DNAH9: variants seen among roughly 807,000 people sequenced by gnomAD.
The protein encoded by DNAH9 is DNAH9 variant protein.
DNAH9 carries 345 observed loss-of-function variants against 471.6 expected under a neutral mutation model. The observed-to-expected ratio is 0.73, with a 90% CI of 0.67 to 0.80. DNAH9 has a LOEUF of 0.80. DNAH9 is among the 30% of genes least tolerant of loss of function. The pLI is 0.00. For synonymous variants in DNAH9, 2,093 were observed against 2,123.6 expected, an observed-to-expected ratio of 0.99 and a Z score of 0.40; for missense variants, 5,407 against 5,609.2, an observed-to-expected ratio of 0.96 and a Z score of 1.15.
chr17:11,955,157 C>T (rs982456851), intron 67 of DNAH9, among the ~76,000 whole-genome samples: 3 of 152,164 alleles, frequency 2.0e-5, no homozygotes, highest in Non-Finnish European at 2.9e-5. Context: ...TGTCAGCCAA[C>T]AGGCCAAATC....
At chr17:11,787,912 G>T (rs1231983040) in intron 41 of DNAH9, among the ~76,000 whole-genome samples, 1 of 152,140 alleles carries the variant, frequency 6.6e-6, no homozygotes, top group African/African-American at 2.4e-5. Context: ...GGCCTCCCCA[G>T]TCATGTGGAA....
intron 19 of DNAH9, among the ~76,000 whole-genome samples, chr17:11,685,972 T>G (rs553470937): frequency 6.6e-6 from 1 of 151,972 alleles, no homozygotes; most frequent in Admixed American, 6.6e-5. Flanking sequence ...GCCTGGCTAA[T>G]TTTTTGTATT....
intron 48 of DNAH9, among the ~76,000 whole-genome samples, chr17:11,826,826 T>C (rs1302343719): frequency 7.0e-6 from 1 of 142,326 alleles, no homozygotes; most frequent in African/African-American, 2.6e-5. Context: ...CTTTCTTTTT[T>C]TTTTTTTTTT....
intron 61 of DNAH9, among the ~76,000 whole-genome samples, chr17:11,907,343 G>A (rs894987437): frequency 7.9e-5 from 12 of 152,010 alleles, no homozygotes; most frequent in Non-Finnish European, 4.4e-5. Context: ...GGTGGTGCAT[G>A]CCTGTAATCC....
chr17:11,881,441 GC>G (rs1227105214), intron 55 of DNAH9, 28 bp downstream of exon 55: 1 of 1,597,676 alleles, frequency 6.3e-7, no homozygotes, highest in South Asian at 1.1e-5. Context: ...AAAATGTTCT[GC>G]CACTAGAGCC....
chr17:11,750,618 C>G (rs892008891), intron 32 of DNAH9, among the ~76,000 whole-genome samples: 2 of 151,980 alleles, frequency 1.3e-5, no homozygotes, highest in South Asian at 4.1e-4. Flanking sequence ...AAACAAATAG[C>G]AAGAAAGTCA....
chr17:11,853,174 A>G (rs761219248), intron 49 of DNAH9: 8 of 152,138 alleles, frequency 5.3e-5, no homozygotes, highest in Non-Finnish European at 1.2e-4. Context: ...TGCTTCTGGT[A>G]TGAATAAAGT....
intron 19 of DNAH9, among the ~76,000 whole-genome samples, chr17:11,683,580 G>A (rs917314266): frequency 2.0e-5 from 3 of 152,228 alleles, no homozygotes; most frequent in Non-Finnish European, 2.9e-5. Flanking sequence ...CAACATTGGT[G>A]TGCTTTTGTG....
intron 1 of DNAH9, among the ~76,000 whole-genome samples, chr17:11,600,781 C>G (rs76320325): frequency 2.2e-4 from 34 of 152,196 alleles, no homozygotes; most frequent in African/African-American, 8.2e-4. Context: ...CATGTCCAAC[C>G]GGAGTTATTC....
At chr17:11,747,255 T>C (rs374709158) in intron 31 of DNAH9, among the ~76,000 whole-genome samples, 1 of 152,160 alleles carries the variant, frequency 6.6e-6, no homozygotes, top group African/African-American at 2.4e-5. Context: ...TCCACATGAC[T>C]TTCTTCTCCA....
intron 41 of DNAH9, among the ~76,000 whole-genome samples, chr17:11,792,909 A>C (rs1469865092): frequency 6.6e-6 from 1 of 152,180 alleles, no homozygotes; most frequent in Non-Finnish European, 1.5e-5. Context: ...CATTATACAA[A>C]ATGGATTTAG....
chr17:11,855,180 G>GT (rs1971582658), intron 50 of DNAH9, among the ~76,000 whole-genome samples: 1 of 152,050 alleles, frequency 6.6e-6, no homozygotes, highest in African/African-American at 2.4e-5. Flanking sequence ...GGGATTACAG[G>GT]TATGAGCCAC....
chr17:11,637,531 G>T (rs1016965794), intron 9 of DNAH9, among the ~76,000 whole-genome samples: 3 of 152,058 alleles, frequency 2.0e-5, no homozygotes, highest in African/African-American at 7.2e-5. Context: ...TCAGGAGTTC[G>T]AGGCTGCAGG....
At chr17:11,964,941 C>T (rs1976567137) in intron 68 of DNAH9, among the ~76,000 whole-genome samples, 1 of 152,130 alleles carries the variant, frequency 6.6e-6, no homozygotes, top group Admixed American at 6.6e-5. Flanking sequence ...TTGGAACTCA[C>T]CCAGGGCAAC....
rs1274949360 is a variant in DNAH9, at chr17:11,822,902, T to C, written c.9114T>C (p.Tyr3038=). The change falls in exon 48 of 69, where the codon TAT becomes TAC. Residue 3038 remains tyrosine, a synonymous_variant. Transcript: ENST00000262442. ...SYLSNEQRYN[Y]TTPKSFLEFI... is the part of the protein sequence containing the mutation. ...TGAGCAATGAACAGCGCTACAACTA[T>C]ACAACTCCCAAGTCCTTTCTGGAGT... 11 of 1,614,106 alleles carry C rather than the reference T, an allele frequency of 6.8e-6. No individual in the cohort carries two copies. The highest frequency in any genetic ancestry group is 7.6e-6 in the Non-Finnish European group (9 of 1,180,058).
At chr17:11,661,198 T>C (rs1029386391) in intron 14 of DNAH9, among the ~76,000 whole-genome samples, 10 of 151,856 alleles carry the variant, frequency 6.6e-5, no homozygotes, top group Non-Finnish European at 1.3e-4. Flanking sequence ...AATACCCTCT[T>C]GTTTTGAAAT....
rs1442287828 is a variant in DNAH9 at position 11,747,603 on chromosome 17, G to C, written c.6447G>C (p.Val2149=). 6.2e-7 allele frequency: 1 copy of C among 1,613,958 alleles called. No homozygotes were observed. The highest frequency in any genetic ancestry group is 8.5e-7 in the Non-Finnish European group (1 of 1,180,034). ...ELLAVRHSVF[V]VGGAGTGKSQ... is the part of the protein sequence containing the mutation. Reference sequence around the variant, plus strand: ...TGGCTGTGCGGCACTCTGTATTTGTGGTGGGTGGCGCTGGTACCGGCAAGT... The same window carrying C: ...TGGCTGTGCGGCACTCTGTATTTGTCGTGGGTGGCGCTGGTACCGGCAAGT... Residue 2149 remains valine, a synonymous_variant, in exon 32 of 69, where the codon GTG becomes GTC. Coordinates refer to ENST00000262442, the MANE Select transcript of DNAH9 (RefSeq NM_001372.4).
intron 31 of DNAH9, 90 bp from the exon 32 acceptor site, chr17:11,747,466 C>A: frequency 9.6e-7 from 1 of 1,036,270 alleles, no homozygotes; most frequent in Non-Finnish European, 1.5e-6. Flanking sequence ...TCAGGTCTCA[C>A]TTCAGACACC....
At chr17:11,876,811 C>T (rs1003214277) in intron 53 of DNAH9, among the ~76,000 whole-genome samples, 1 of 152,274 alleles carries the variant, frequency 6.6e-6, no homozygotes. Flanking sequence ...CTTCCACCTC[C>T]CGGGTTCAAG....
Sources: allele counts gnomAD v4.1 joint callset (sites outside exome capture counted in the v4.1 genomes callset), GRCh38; gene constraint gnomAD v4.1.1; transcripts MANE v1.5; gene names NCBI Gene and HGNC (gene_info 2026-07-23, HGNC 2026-07-21).